The following TMEFF2 variants were observed in gnomAD, a reference collection of about 807,000 sequenced individuals.
TMEFF2 encodes tomoregulin-2.
A neutral mutation model predicts 53.8 loss-of-function variants in TMEFF2; 28 were observed. That is an observed-to-expected ratio of 0.52 (90% confidence interval 0.39 to 0.71). The LOEUF is 0.71. TMEFF2 is among the 30% of genes least tolerant of loss of function. The probability of loss-of-function intolerance (pLI) is 0.00; values close to 1 mark genes in which losing one functional copy is unlikely to be tolerated. For synonymous variants in TMEFF2, 162 were observed against 166.3 expected (o/e 0.97, Z 0.20); for missense variants, 353 against 455.2 (o/e 0.78, Z 2.04).
chr2:191,949,294 T>A lies in TMEFF2; in HGVS notation c.*1017A>T. The A allele has an allele frequency of 1.0e-6, 1 of 985,414 alleles. No individual in the cohort carries two copies. The highest frequency in any genetic ancestry group is 1.2e-6 in the Non-Finnish European group (1 of 829,918). 61.0% of individuals were successfully genotyped at this position (985,414 alleles called of 1,614,324 possible). On this transcript the variant is annotated 3_prime_UTR_variant, in exon 10 of 10. Transcript: ENST00000272771. ...TCTTTCTTACCTCACCACATAAATA[T>A]GCTCAAAACATCTCTCTGTTTTCAT...
intron 5 of TMEFF2, among the ~76,000 whole-genome samples, chr2:192,035,603 T>A (rs1687270944): frequency 6.6e-6 from 1 of 152,246 alleles, no homozygotes; most frequent in Admixed American, 6.5e-5. Flanking sequence ...TCCAGTTATT[T>A]TCAGTAAATA....
chr2:191,972,735 G>A (rs1158077984), intron 7 of TMEFF2, among the ~76,000 whole-genome samples: 1 of 152,176 alleles, frequency 6.6e-6, no homozygotes, highest in Non-Finnish European at 1.5e-5. Flanking sequence ...CCAAGATGAT[G>A]CAGTTTTTGG....
intron 5 of TMEFF2, among the ~76,000 whole-genome samples, chr2:192,025,552 A>G (rs925392887): frequency 6.6e-6 from 1 of 152,228 alleles, no homozygotes; most frequent in East Asian, 1.9e-4. Context: ...AAAAAGCAAA[A>G]TTTCTGCTTC....
intron 4 of TMEFF2, among the ~76,000 whole-genome samples, chr2:192,065,336 A>G (rs1688142118): frequency 6.6e-6 from 1 of 151,860 alleles, no homozygotes; most frequent in Non-Finnish European, 1.5e-5. Flanking sequence ...TGCAGTATAA[A>G]TGTGCATAAA....
chr2:192,115,188 C>A (rs1249701518), intron 4 of TMEFF2, among the ~76,000 whole-genome samples: 2 of 151,906 alleles, frequency 1.3e-5, no homozygotes, highest in Non-Finnish European at 2.9e-5. Flanking sequence ...TCAAAGTATA[C>A]TACAAAGCTA....
At chr2:192,114,846 A>G (rs1285068711) in intron 4 of TMEFF2, among the ~76,000 whole-genome samples, 1 of 152,000 alleles carries the variant, frequency 6.6e-6, no homozygotes, top group Non-Finnish European at 1.5e-5. Flanking sequence ...GTTATAAGAT[A>G]AACAAGTCCT....
At chr2:192,184,026 G>C (rs574142520) in intron 3 of TMEFF2, among the ~76,000 whole-genome samples, 2 of 152,126 alleles carry the variant, frequency 1.3e-5, no homozygotes, top group Non-Finnish European at 1.5e-5. Context: ...TTCATACATA[G>C]TCAGGTTTCT....
intron 5 of TMEFF2, among the ~76,000 whole-genome samples, chr2:192,010,107 G>A (rs1215379155): frequency 6.6e-6 from 1 of 152,106 alleles, no homozygotes; most frequent in Admixed American, 6.6e-5. Flanking sequence ...GTATAAAAGC[G>A]ACTTTCAAGC....
intron 4 of TMEFF2, chr2:192,179,465 TAG>T (rs1390571320): frequency 2.1e-5 from 9 of 423,520 alleles, no homozygotes; most frequent in Non-Finnish European, 3.4e-5. Context: ...TAACTGGAGA[TAG>T]AGTATGATTC....
At chr2:192,190,645 G>C (rs187383270) in intron 2 of TMEFF2, among the ~76,000 whole-genome samples, 5 of 152,218 alleles carry the variant, frequency 3.3e-5, no homozygotes, top group African/African-American at 1.2e-4. Context: ...CCAGGAGGTG[G>C]TGCACTTTAC....
chr2:191,962,095 T>C (rs1373184251), intron 7 of TMEFF2, among the ~76,000 whole-genome samples: 1 of 152,228 alleles, frequency 6.6e-6, no homozygotes, highest in Non-Finnish European at 1.5e-5. Flanking sequence ...GTTAAAGACT[T>C]AGAAAATAAC....
At chr2:192,014,551 T>C (rs1277596047) in intron 5 of TMEFF2, among the ~76,000 whole-genome samples, 1 of 152,210 alleles carries the variant, frequency 6.6e-6, no homozygotes, top group African/African-American at 2.4e-5. Context: ...GACTCAATAT[T>C]TATTCCAGAG....
chr2:192,111,465 A>G (rs1689274628), intron 4 of TMEFF2, among the ~76,000 whole-genome samples: 1 of 152,176 alleles, frequency 6.6e-6, no homozygotes, highest in African/African-American at 2.4e-5. Context: ...GATTTAGTGT[A>G]TCTGATGGAA....
chr2:192,123,212 T>C (rs1178507343), intron 4 of TMEFF2, among the ~76,000 whole-genome samples: 1 of 152,196 alleles, frequency 6.6e-6, no homozygotes, highest in Non-Finnish European at 1.5e-5. Context: ...CTTCAGTGTA[T>C]TTACTGGGGT....
chr2:192,129,541 C>A (rs966794894), intron 4 of TMEFF2, among the ~76,000 whole-genome samples: 2 of 152,048 alleles, frequency 1.3e-5, no homozygotes, highest in East Asian at 3.9e-4. Flanking sequence ...GTTTGAGGAC[C>A]CCACATGCAT....
chr2:192,014,496 A>G (rs1686703181), intron 5 of TMEFF2, among the ~76,000 whole-genome samples: 1 of 152,200 alleles, frequency 6.6e-6, no homozygotes, highest in Non-Finnish European at 1.5e-5. Context: ...ATCTGTACCA[A>G]TCTTTGTTGT....
In TMEFF2 at chr2:191,949,511, T is replaced by A. The variant is rs953856481; in HGVS notation, c.*800A>T. 15 of 985,328 alleles carry A rather than the reference T, an allele frequency of 1.5e-5. No homozygotes were observed. The African/African-American group carries it at 2.6e-4, about 17-fold the overall frequency. 61.0% of individuals were successfully genotyped at this position (985,328 alleles called of 1,614,324 possible). On this transcript the variant is annotated 3_prime_UTR_variant, in exon 10 of 10. Transcript: ENST00000272771. ...TAGTGGTGTTATTACATTTTTCCCC[T>A]GGTAATTCCACCCACCTAAATGGAA...
chr2:192,089,538 T>C (rs915901533), intron 4 of TMEFF2, among the ~76,000 whole-genome samples: 5 of 152,128 alleles, frequency 3.3e-5, no homozygotes, highest in East Asian at 1.9e-4. Flanking sequence ...ACAGTCTTCA[T>C]GTATTTCTCC....
chr2:191,956,448 G>A, intron 7 of TMEFF2, 70 bp from the exon 8 acceptor site: 2 of 1,514,440 alleles, frequency 1.3e-6, no homozygotes, highest in Non-Finnish European at 1.8e-6. Context: ...AGTACATTAA[G>A]AAGCAAAGCT....
Sources: gnomAD v4.1 joint callset for allele counts (sites outside exome capture counted in the v4.1 genomes callset) on GRCh38, gnomAD v4.1.1 for gene constraint, MANE v1.5 for transcripts, NCBI Gene and HGNC (gene_info 2026-07-23, HGNC 2026-07-21) for gene names.